ITIH5: variants seen among roughly 807,000 people sequenced by gnomAD.
ITIH5 encodes the protein inter-alpha-trypsin inhibitor heavy chain 5.
Under a neutral mutation model 77.5 loss-of-function variants are expected in ITIH5, and 65 were observed. The observed-to-expected ratio is 0.84, with a 90% CI of 0.69 to 1.03. The LOEUF (loss-of-function observed/expected upper bound fraction) is 1.03. ITIH5 is among the 50% of genes least tolerant of loss of function. The pLI is 0.00. For missense variants in ITIH5, 1,208 were observed against 1,213.1 expected, an observed-to-expected ratio of 1.00 and a Z score of 0.06; for synonymous variants, 525 against 494.3, an observed-to-expected ratio of 1.06 and a Z score of -0.82.
chr10:7,568,413 C>A (rs1197485402), intron 12 of ITIH5, among the ~76,000 whole-genome samples: 1 of 152,158 alleles, frequency 6.6e-6, no homozygotes, highest in Admixed American at 6.5e-5. Flanking sequence ...GTTCCCACCA[C>A]GGACATCTCG....
intron 8 of ITIH5, among the ~76,000 whole-genome samples, chr10:7,581,759 A>G (rs996858387): frequency 2.6e-5 from 3 of 116,430 alleles, no homozygotes; most frequent in African/African-American, 1.0e-4. Context: ...ACAGGGTCTC[A>G]CTATGTTGCC....
intron 7 of ITIH5, among the ~76,000 whole-genome samples, chr10:7,608,062 G>A (rs781104155): frequency 8.5e-5 from 13 of 152,156 alleles, no homozygotes; most frequent in South Asian, 2.1e-4. Context: ...GCCACATAGC[G>A]CTTGCCTTCT....
At chr10:7,614,892 T>C (rs1833332982) in intron 7 of ITIH5, among the ~76,000 whole-genome samples, 1 of 152,126 alleles carries the variant, frequency 6.6e-6, no homozygotes, top group South Asian at 2.1e-4. Flanking sequence ...GACAGAGAGT[T>C]TCTATGAGAT....
At chr10:7,615,212 T>C (rs1426460631) in intron 7 of ITIH5, among the ~76,000 whole-genome samples, 5 of 152,032 alleles carry the variant, frequency 3.3e-5, no homozygotes, top group East Asian at 1.9e-4. Context: ...GATCACGCCA[T>C]TGCACTCCAG....
chr10:7,644,730 TATCTATATCAC>T (rs1833966640), intron 2 of ITIH5, among the ~76,000 whole-genome samples: 2 of 133,632 alleles, frequency 1.5e-5, no homozygotes, highest in African/African-American at 5.9e-5. Context: ...ATATATCACA[TATCTATATCAC>T]ATATATATCA....
chr10:7,578,816 T>C (rs1209330229), intron 9 of ITIH5: 1 of 147,826 alleles, frequency 6.8e-6, no homozygotes, highest in African/African-American at 2.7e-5. Flanking sequence ...AGCAGACTGA[T>C]GCGTGGCAAC....
At chr10:7,664,266 G>A (rs1268980802) in intron 1 of ITIH5, among the ~76,000 whole-genome samples, 1 of 151,918 alleles carries the variant, frequency 6.6e-6, no homozygotes, top group Non-Finnish European at 1.5e-5. Flanking sequence ...CAGGCATGGT[G>A]GAGTGCACCT....
chr10:7,568,436 A>T (rs1832230644), intron 12 of ITIH5, among the ~76,000 whole-genome samples: 1 of 152,178 alleles, frequency 6.6e-6, no homozygotes, highest in Admixed American at 6.5e-5. Flanking sequence ...GAAGACAGAA[A>T]CCATGGGAAC....
At chr10:7,569,986 A>T in intron 11 of ITIH5, 1 of 488,568 alleles carries the variant, frequency 2.0e-6, no homozygotes, top group Non-Finnish European at 3.6e-6. Context: ...AGTTTGCAGT[A>T]AACATTTGAC....
intron 7 of ITIH5, among the ~76,000 whole-genome samples, chr10:7,594,996 T>C (rs999293500): frequency 1.3e-5 from 2 of 152,184 alleles, no homozygotes; most frequent in South Asian, 2.1e-4. Context: ...CCATAGTGAA[T>C]GGGCGTCATC....
At chr10:7,565,050 C>T (rs562647905) in intron 13 of ITIH5, among the ~76,000 whole-genome samples, 1 of 130,834 alleles carries the variant, frequency 7.6e-6, no homozygotes, top group African/African-American at 2.8e-5. Flanking sequence ...TATATATATA[C>T]ATATATACAC....
chr10:7,641,867 T>C, intron 3 of ITIH5, 60 bp downstream of exon 3: 1 of 1,485,830 alleles, frequency 6.7e-7, no homozygotes, highest in Non-Finnish European at 9.3e-7. Flanking sequence ...ACCTCACATC[T>C]CAGGCTCAAC....
intron 2 of ITIH5, among the ~76,000 whole-genome samples, chr10:7,645,341 T>C (rs1833994338): frequency 6.6e-6 from 1 of 152,116 alleles, no homozygotes; most frequent in South Asian, 2.1e-4. Flanking sequence ...TATTTCAAAG[T>C]AGCGCTTCTC....
intron 13 of ITIH5, 33 bp downstream of exon 13, chr10:7,565,997 T>C: frequency 6.3e-7 from 1 of 1,594,960 alleles, no homozygotes; most frequent in Non-Finnish European, 8.6e-7. Flanking sequence ...CTCTGCCCTC[T>C]ATGCCCAGCG....
chr10:7,561,231 G>A lies in ITIH5; in HGVS notation c.*1852C>T, dbSNP rs1832034325. 6.6e-6 allele frequency: 1 copy of A among 152,254 alleles called. No individual in the cohort carries two copies. Among genetic ancestry groups the A allele is most frequent in the African/African-American group, 2.4e-5 (1 of 41,466 alleles). 9.4% of individuals were successfully genotyped at this position (152,254 alleles called of 1,614,324 possible). ...TCTTAAAGTAGCAACACAGGCAGTA[G>A]GAACTGGTCTTTCCTAATAACGTCC... is the stretch of plus-strand genomic sequence containing the variant. On this transcript the variant is annotated 3_prime_UTR_variant, in exon 14 of 14. Transcript: ENST00000397146.
chr10:7,609,369 TG>T (rs1200962151), intron 7 of ITIH5: 15 of 446,188 alleles, frequency 3.4e-5, no homozygotes, highest in Non-Finnish European at 3.1e-5. Context: ...CATATTGTAA[TG>T]ATCAAACACA....
chr10:7,635,953 T>G (rs1221172312), intron 5 of ITIH5, among the ~76,000 whole-genome samples: 1 of 152,168 alleles, frequency 6.6e-6, no homozygotes, highest in Non-Finnish European at 1.5e-5. Flanking sequence ...TCATTTACCA[T>G]TTCTCCACTC....
chr10:7,585,851 A>T (rs1293914968), intron 8 of ITIH5, 50 bp downstream of exon 8: 2 of 1,513,026 alleles, frequency 1.3e-6, no homozygotes, highest in East Asian at 4.6e-5. Context: ...CCAAAAAAAA[A>T]AACATTATTT....
chr10:7,560,141 C>T lies in ITIH5; in HGVS notation c.*2942G>A, dbSNP rs1433555476. 2 of 225,404 alleles carry T rather than the reference C, an allele frequency of 8.9e-6. No homozygotes were observed. The highest frequency in any genetic ancestry group is 2.6e-4 in the East Asian group (2 of 7,690). 14.0% of individuals were successfully genotyped at this position (225,404 alleles called of 1,614,324 possible). On this transcript the variant is annotated 3_prime_UTR_variant, in exon 14 of 14. Coordinates refer to ENST00000397146, the MANE Select transcript of ITIH5 (RefSeq NM_030569.7). ...TTGGGATTACAGGTGTGAGCCACTG[C>T]ACCTGGCCCCATGTCTCTTCTTATA...
Sources: gnomAD v4.1 joint callset for allele counts (sites outside exome capture counted in the v4.1 genomes callset) on GRCh38, gnomAD v4.1.1 for gene constraint, MANE v1.5 for transcripts, NCBI Gene and HGNC (gene_info 2026-07-23, HGNC 2026-07-21) for gene names.